The following CPEB2 variants were observed in gnomAD, a reference collection of about 807,000 sequenced individuals.
The protein encoded by CPEB2 is cytoplasmic polyadenylation element binding protein 2, also known as cytoplasmic polyadenylation element-binding protein 2.
Under a neutral mutation model 93.6 loss-of-function variants are expected in CPEB2, and 56 were observed. The ratio of observed to expected loss-of-function variants is 0.60; its 90% CI spans 0.48 to 0.75. The LOEUF (loss-of-function observed/expected upper bound fraction) is 0.75. Among genes scored for constraint, CPEB2 ranks in the 30% least tolerant of loss-of-function variants. The pLI, the probability that CPEB2 is intolerant of heterozygous loss-of-function variation, is 0.00. For synonymous variants in CPEB2, 764 were observed against 586.3 expected, an observed-to-expected ratio of 1.30 and a Z score of -4.38; for missense variants, 1,579 against 1,395.1, an observed-to-expected ratio of 1.13 and a Z score of -2.10.
intron 5 of CPEB2, among the ~76,000 whole-genome samples, chr4:15,038,746 G>C (rs752719925): frequency 5.3e-5 from 8 of 151,936 alleles, no homozygotes; most frequent in Non-Finnish European, 8.8e-5. Context: ...CTGCCACCAC[G>C]CCCGGCTAAT....
chr4:15,014,909 G>A (rs1026095160), intron 3 of CPEB2, among the ~76,000 whole-genome samples: 1 of 151,964 alleles, frequency 6.6e-6, no homozygotes, highest in Non-Finnish European at 1.5e-5. Context: ...GCCCATATGG[G>A]CCATCCTATT....
At chr4:15,049,180 A>C (rs758540849) in intron 6 of CPEB2, among the ~76,000 whole-genome samples, 25 of 152,208 alleles carry the variant, frequency 1.6e-4, no homozygotes, top group Non-Finnish European at 2.9e-4. Flanking sequence ...TTATTATAGT[A>C]AACAAAAAGT....
At chr4:15,007,825 A>G (rs1723025607) in intron 2 of CPEB2, among the ~76,000 whole-genome samples, 1 of 152,222 alleles carries the variant, frequency 6.6e-6, no homozygotes, top group Non-Finnish European at 1.5e-5. Flanking sequence ...AACCTTTTGT[A>G]TTTATTAAAT....
chr4:15,002,991 G>A lies in CPEB2; in HGVS notation c.318G>A (p.Ala106=). 6.7e-7 allele frequency: 1 copy of A among 1,500,998 alleles called. No individual in the cohort carries two copies. The highest frequency in any genetic ancestry group is 8.8e-7 in the Non-Finnish European group (1 of 1,136,054). 93.0% of individuals were successfully genotyped at this position (1,500,998 alleles called of 1,614,324 possible). A position where few individuals can be genotyped will look rare whatever the true frequency, so the allele number is the denominator to read the frequency against. ...TTCTGGGGCTGACACAGCAGCCGGC[G>A]CGGCCGCTTTCGGGGGCGGCGGCCA... ...ELLLGLTQQP[A]RPLSGAAATE... is the part of the protein sequence containing the mutation. The change falls in exon 1 of 12, where the codon GCG becomes GCA. Residue 106 remains alanine (A), a synonymous_variant. Transcript: ENST00000538197.
chr4:15,004,057 T>C lies in CPEB2; in HGVS notation c.1384T>C (p.Phe462Leu). The change falls in exon 1 of 12, where the codon TTC becomes CTC. Residue 462 changes from phenylalanine (F) to leucine (L), a missense_variant. By Grantham distance (22) the Phe-to-Leu change is conservative. Transcript: ENST00000538197. ...GCCGTCGTCCATGAACCCGGCCTTC[T>C]TCCCTAGCTTCTCGCCCGTGTCGCC... is the stretch of plus-strand genomic sequence containing the variant. ...GLPSSMNPAF[F>L]PSFSPVSPHG... is the part of the protein sequence containing the mutation. The C allele has an allele frequency of 6.4e-7, 1 of 1,565,600 alleles. No individual in the cohort carries two copies.
intron 4 of CPEB2, among the ~76,000 whole-genome samples, chr4:15,028,463 A>G (rs1027043514): frequency 5.5e-4 from 84 of 152,228 alleles, no homozygotes; most frequent in East Asian, 1.9e-4. Flanking sequence ...CCATTCAACA[A>G]ATATTTGAGA....
At chr4:15,041,147 T>C (rs1478430068) in intron 6 of CPEB2, among the ~76,000 whole-genome samples, 11 of 152,178 alleles carry the variant, frequency 7.2e-5, no homozygotes, top group Non-Finnish European at 1.2e-4. Flanking sequence ...AAGACTATTA[T>C]TGAACTTCCT....
Position 15,002,842 on chromosome 4 carries a change from G to T in CPEB2, c.169G>T (p.Gly57Cys). The T allele has an allele frequency of 6.5e-7, 1 of 1,535,096 alleles. No homozygotes were observed. The highest frequency in any genetic ancestry group is 8.7e-7 in the Non-Finnish European group (1 of 1,146,538). The part of the protein sequence containing the change: ...PLSPPPLPVT[G>C]FLEAASPFSV... ...GTCGCCACCACCGTTGCCTGTCACCGGCTTCTTAGAGGCCGCCTCCCCCTT... is the reference window on the plus strand; with the variant it reads ...GTCGCCACCACCGTTGCCTGTCACCTGCTTCTTAGAGGCCGCCTCCCCCTT... The change falls in exon 1 of 12, where the codon GGC becomes TGC. Residue 57 changes from glycine (G) to cysteine (C), a missense_variant. Around this residue, in one of 2 missense-constraint regions of CPEB2, gnomAD observed 1,411 missense variants for 1,056.0 expected, o/e 1.34. Transcript: ENST00000538197.
intron 11 of CPEB2, chr4:15,063,712 A>G (rs936693634): frequency 2.6e-5 from 4 of 152,104 alleles, no homozygotes; most frequent in Admixed American, 6.6e-5. Context: ...GTCATACCTC[A>G]TACCTCTTTG....
At chr4:15,033,877 G>C (rs2109031450) in intron 5 of CPEB2, among the ~76,000 whole-genome samples, 1 of 152,232 alleles carries the variant, frequency 6.6e-6, no homozygotes, top group East Asian at 1.9e-4. Context: ...TGGGTGTGGA[G>C]AGGGAAATAG....
chr4:15,004,379 C>T lies in CPEB2; in HGVS notation c.1662+44C>T, dbSNP rs938344767. 2.2e-6 allele frequency: 3 copies of T among 1,360,176 alleles called. No homozygotes were observed. The African/African-American group carries it at 4.6e-5, about 21-fold the overall frequency. 84.3% of individuals were successfully genotyped at this position (1,360,176 alleles called of 1,614,324 possible). On this transcript the variant is annotated intron_variant, in intron 1 of 11. Coordinates refer to ENST00000538197, the MANE Select transcript of CPEB2 (RefSeq NM_001177382.2). ...TGGCCGCGCCGCGGGACCGGGAGAC[C>T]ATGGGCGGGGGACGGAGGCGGGGGC...
intron 1 of CPEB2, among the ~76,000 whole-genome samples, chr4:15,006,768 C>G (rs1440674757): frequency 6.6e-6 from 1 of 152,202 alleles, no homozygotes; most frequent in Non-Finnish European, 1.5e-5. Context: ...AGTTTCTATA[C>G]TGTCCTTATT....
intron 6 of CPEB2, among the ~76,000 whole-genome samples, chr4:15,049,665 A>G (rs1056875298): frequency 3.9e-5 from 6 of 152,218 alleles, no homozygotes; most frequent in Non-Finnish European, 5.9e-5. Flanking sequence ...ATTTTGTTTT[A>G]CATTGCTTCC....
At position 15,002,771 on chromosome 4, in the gene CPEB2, T is replaced by C; in HGVS notation, c.98T>C (p.Val33Ala). 1 of 1,535,538 alleles carries C rather than the reference T, an allele frequency of 6.5e-7. No homozygotes were observed. Among genetic ancestry groups the C allele is most frequent in the Non-Finnish European group, 8.7e-7 (1 of 1,146,652 alleles). Residue 33 changes from valine (V) to alanine (A), a missense_variant, in exon 1 of 12, where the codon GTG becomes GCG. By Grantham distance (64) the Val-to-Ala change is moderately conservative (BLOSUM62 0). Coordinates refer to ENST00000538197, the MANE Select transcript of CPEB2 (RefSeq NM_001177382.2). ...GGCGAGGCGTATGGTCCTTACGCCG[T>C]GGGGTCCGTCAACCCGCTGCCCTCC... Reference protein sequence around the residue: ...FCGEAYGPYAVGSVNPLPSAT... With the variant: ...FCGEAYGPYAAGSVNPLPSAT...
At chr4:15,041,688 C>T (rs548637664) in intron 6 of CPEB2, among the ~76,000 whole-genome samples, 1 of 152,242 alleles carries the variant, frequency 6.6e-6, no homozygotes, top group East Asian at 1.9e-4. Flanking sequence ...CAGGCATGAG[C>T]CACCTATAGA....
chr4:15,017,039 T>A, intron 3 of CPEB2, 149 bp from the exon 4 acceptor site: 1 of 581,660 alleles, frequency 1.7e-6, no homozygotes, highest in Non-Finnish European at 3.1e-6. Flanking sequence ...GTTCATGAGA[T>A]CTTTAGTTAT....
chr4:15,068,648 T>C lies in CPEB2; in HGVS notation c.*2268T>C, dbSNP rs748968392. On this transcript the variant is annotated 3_prime_UTR_variant, in exon 12 of 12. Transcript: ENST00000538197. ...TAAACTTTATTTTCATAATTTCTGC[T>C]TAATGTTTAAAATTGAAGAGCCTTT... 5 of 152,310 alleles carry C rather than the reference T, an allele frequency of 3.3e-5. No individual in the cohort carries two copies. The highest frequency in any genetic ancestry group is 7.4e-5 in the Non-Finnish European group (5 of 67,848). The allele number at this position is 152,310 out of a possible 1,614,324, so 9.4% of individuals were successfully genotyped here.
At chr4:15,019,932 T>C (rs976646177) in intron 4 of CPEB2, among the ~76,000 whole-genome samples, 1 of 152,076 alleles carries the variant, frequency 6.6e-6, no homozygotes, top group Admixed American at 6.6e-5. Flanking sequence ...TGGTTACTTC[T>C]GGCTAAGGAT....
At chr4:15,061,322 C>T (rs569080856) in intron 10 of CPEB2, among the ~76,000 whole-genome samples, 4 of 151,870 alleles carry the variant, frequency 2.6e-5, no homozygotes, top group East Asian at 1.9e-4. Context: ...AAAGTTAAGG[C>T]GTTTAGGATG....
Sources: gnomAD v4.1 joint callset for allele counts (sites outside exome capture counted in the v4.1 genomes callset) on GRCh38, gnomAD v4.1.1 for gene constraint, gnomAD v4.1.1 regional missense constraint, MANE v1.5 for transcripts, NCBI Gene and HGNC (gene_info 2026-07-23, HGNC 2026-07-21) for gene names.